Variants in DISP3 observed in about 807,000 individuals in gnomAD.
DISP3 encodes dispatched RND transporter family member 3.
Under a neutral mutation model 135.3 loss-of-function variants are expected in DISP3, and 101 were observed. The observed-to-expected ratio is 0.75, with a 90% CI of 0.64 to 0.88. DISP3 has a LOEUF of 0.88. Ranked by LOEUF, DISP3 falls within the 40% of genes least tolerant of loss-of-function variation. The probability of loss-of-function intolerance (pLI) is 0.00; values close to 1 mark genes in which losing one functional copy is unlikely to be tolerated. For synonymous variants in DISP3, 856 were observed against 817.0 expected, an observed-to-expected ratio of 1.05 and a Z score of -0.81; for missense variants, 1,713 against 1,878.6, an observed-to-expected ratio of 0.91 and a Z score of 1.63.
chr1:11,501,562 CG>C lies in DISP3; in HGVS notation c.571del (p.Ala191ArgfsTer36), dbSNP rs768372201. ...GCCCAGGCCCTTACCGGGACACTTC[CG>C]CGGCTCAAAAGCCCACAGCCAATCG... ...GGPGPYRDTS[A>X]AQKPTANRSG... On this transcript the variant is annotated frameshift_variant, in exon 2 of 21. Coordinates refer to ENST00000294484, the MANE Select transcript of DISP3 (RefSeq NM_020780.2). LOFTEE classifies it high-confidence loss of function. This position sits in a 1 kb window ranked among gnomAD's most constrained non-coding sequence, Gnocchi z 4.9. 6.3e-7 allele frequency: 1 copy of C among 1,587,902 alleles called. No homozygotes were observed. The highest frequency in any genetic ancestry group is 1.1e-5 in the South Asian group (1 of 88,216).
Position 11,536,344 on chromosome 1 carries a change from G to C in DISP3, c.3837G>C (p.Gln1279His), listed in dbSNP as rs1234504525. The C allele has an allele frequency of 1.1e-5, 17 of 1,603,252 alleles. No homozygotes were observed. The highest frequency in any genetic ancestry group is 1.4e-5 in the Non-Finnish European group (16 of 1,179,660). ...HQAEDARTQR[Q>H]WRTLEAVRHV... ...CCCAGGACGCCCGAACGCAGCGCCA[G>C]TGGCGTACGCTGGAGGCCGTGCGGC... The change falls in exon 21 of 21, where the codon CAG (glutamine) becomes CAC (histidine). Residue 1279 changes from glutamine (Q) to histidine (H), a missense_variant. Physicochemically the swap from Gln to His is conservative, Grantham distance 24. Coordinates refer to ENST00000294484, the MANE Select transcript of DISP3 (RefSeq NM_020780.2). The surrounding 1 kb of genome is among the most constrained non-coding windows in gnomAD (Gnocchi z 4.3).
chr1:11,490,752 T>C (rs1258962232), intron 1 of DISP3, among the ~76,000 whole-genome samples: 1 of 152,086 alleles, frequency 6.6e-6, no homozygotes, highest in Non-Finnish European at 1.5e-5. Flanking sequence ...GCACGGTGGC[T>C]AAAAGGATGG....
chr1:11,512,436 C>G (rs889269367), intron 3 of DISP3, among the ~76,000 whole-genome samples: 4 of 152,214 alleles, frequency 2.6e-5, no homozygotes, highest in Admixed American at 1.3e-4. Flanking sequence ...TTCCACAGAT[C>G]TCTAGGGCAG....
In DISP3 at chr1:11,520,866, G is replaced by T; in HGVS notation, c.2362+18G>T. 1 of 1,576,706 alleles carries T rather than the reference G, an allele frequency of 6.3e-7. No homozygotes were observed. The highest frequency in any genetic ancestry group is 8.6e-7 in the Non-Finnish European group (1 of 1,160,532). On this transcript the variant is annotated intron_variant, in intron 10 of 20. Coordinates refer to ENST00000294484, the MANE Select transcript of DISP3 (RefSeq NM_020780.2). This position sits in a 1 kb window ranked among gnomAD's most constrained non-coding sequence, Gnocchi z 4.8. ...CTGTTCAGGTGAGGCTTCTAGCCAG[G>T]CTGTCCCTGGCCCGCTCAGGTGTCC...
intron 3 of DISP3, among the ~76,000 whole-genome samples, chr1:11,503,506 G>A (rs775389553): frequency 5.9e-5 from 9 of 152,188 alleles, no homozygotes; most frequent in Non-Finnish European, 1.2e-4. Flanking sequence ...AAGTCCTGGA[G>A]TCCGAAGGCC....
intron 18 of DISP3, 91 bp downstream of exon 18, chr1:11,534,631 T>G (rs370212103): frequency 5.3e-5 from 78 of 1,469,108 alleles, no homozygotes; most frequent in East Asian, 3.1e-4. Flanking sequence ...AGTCACAATC[T>G]CCATCCTGGC....
chr1:11,528,335 C>T (rs377677456), intron 13 of DISP3, among the ~76,000 whole-genome samples: 1 of 152,144 alleles, frequency 6.6e-6, no homozygotes, highest in Non-Finnish European at 1.5e-5. Context: ...TCCAGGGGCA[C>T]CTTTTCTGGG....
At chr1:11,512,128 T>C (rs1436468278) in intron 3 of DISP3, among the ~76,000 whole-genome samples, 1 of 152,198 alleles carries the variant, frequency 6.6e-6, no homozygotes, top group Non-Finnish European at 1.5e-5. Context: ...TGGGAGGGGC[T>C]GCCATGAAAT....
chr1:11,496,594 AATC>A (rs547835778), intron 1 of DISP3, among the ~76,000 whole-genome samples: 132 of 152,296 alleles, frequency 8.7e-4, no homozygotes, highest in African/African-American at 3.0e-3. Context: ...TTGCTAAGCT[AATC>A]AATTCCCATC....
chr1:11,505,270 C>T (rs1474362913), intron 3 of DISP3, among the ~76,000 whole-genome samples: 1 of 152,194 alleles, frequency 6.6e-6, no homozygotes, highest in Non-Finnish European at 1.5e-5. Flanking sequence ...GTTGCTGGTT[C>T]AGTTTCTATG....
intron 1 of DISP3, among the ~76,000 whole-genome samples, chr1:11,483,000 T>C (rs1026021084): frequency 4.6e-5 from 7 of 152,246 alleles, no homozygotes; most frequent in Middle Eastern, 3.4e-3. Flanking sequence ...CTCACAAATA[T>C]GTATGTTTTC....
intron 10 of DISP3, among the ~76,000 whole-genome samples, chr1:11,522,922 A>G (rs140204417): frequency 1.3e-4 from 3 of 22,632 alleles, no homozygotes; most frequent in African/African-American, 5.6e-4. Context: ...AGGACCCAGC[A>G]AGGACCCAGC....
Position 11,524,037 on chromosome 1 carries a change from C to T in DISP3, c.2458C>T (p.Pro820Ser), listed in dbSNP as rs2100492478. Residue 820 changes from proline (P) to serine (S), a missense_variant, in exon 11 of 21, where the codon CCT becomes TCT. Pro to Ser is a moderately conservative substitution (Grantham distance 74, BLOSUM62 -1). Around this residue, in one of 2 missense-constraint regions of DISP3, gnomAD observed 1,142 missense variants for 1,384.6 expected, o/e 0.82. Transcript: ENST00000294484. ...RGSGVPWASR[P>S]EATLQDFPGT... is the part of the protein sequence containing the mutation. ...CTCAGGGGTCCCCTGGGCTAGCCGG[C>T]CTGAGGCCACCCTGCAGGGTGAGCA... 6.2e-7 allele frequency: 1 copy of T among 1,612,018 alleles called. No individual in the cohort carries two copies. Among genetic ancestry groups the T allele is most frequent in the Non-Finnish European group, 8.5e-7 (1 of 1,178,792 alleles).
Position 11,516,769 on chromosome 1 carries a change from C to T in DISP3, c.1749+608C>T, listed in dbSNP as rs1279993411. Among the ~76,000 whole-genome samples, 1 of 152,190 alleles carries T rather than the reference C, an allele frequency of 6.6e-6. No individual in the cohort carries two copies. The highest frequency in any genetic ancestry group is 2.4e-5 in the African/African-American group (1 of 41,436). On this transcript the variant is annotated intron_variant, in intron 6 of 20. Transcript: ENST00000294484. The surrounding 1 kb of genome is among the most constrained non-coding windows in gnomAD (Gnocchi z 5.1). ...TGGGCTGAGTAGCCCCTCTGGAAAC[C>T]AGTAGATGCTTTAGGATTATCCAGG...
rs1279430118 is a variant in DISP3, at chr1:11,501,401, C to T, written c.409C>T (p.Arg137Trp). 1.3e-6 allele frequency: 2 copies of T among 1,599,554 alleles called. No homozygotes were observed. Among genetic ancestry groups the T allele is most frequent in the Admixed American group, 1.7e-5 (1 of 58,562 alleles). Reference protein sequence around the residue: ...KSQFGSWGRNRRDLADFTSET... With the variant: ...KSQFGSWGRNWRDLADFTSET... Reference sequence around the variant, plus strand: ...CCAGTTTGGATCCTGGGGGCGGAACCGGCGCGATTTGGCCGACTTCACCTC... The same window carrying T: ...CCAGTTTGGATCCTGGGGGCGGAACTGGCGCGATTTGGCCGACTTCACCTC... The change falls in exon 2 of 21, where the codon CGG (arginine) becomes TGG (tryptophan). Residue 137 changes from arginine (R) to tryptophan (W), a missense_variant. Physicochemically the swap from Arg to Trp is moderately radical, Grantham distance 101. Coordinates refer to ENST00000294484, the MANE Select transcript of DISP3 (RefSeq NM_020780.2). The surrounding 1 kb of genome is among the most constrained non-coding windows in gnomAD (Gnocchi z 4.9).
In DISP3 at chr1:11,502,099, G is replaced by A. The variant is rs200401822; in HGVS notation, c.1096+11G>A. On this transcript the variant is annotated intron_variant, in intron 2 of 20. Coordinates refer to ENST00000294484, the MANE Select transcript of DISP3 (RefSeq NM_020780.2). Reference sequence around the variant, plus strand: ...TGGCGGACATCCGGGGTGAGCCGCCGGGATGCTGGGAGGGGGCGTAGGTCC... The same window carrying A: ...TGGCGGACATCCGGGGTGAGCCGCCAGGATGCTGGGAGGGGGCGTAGGTCC... The A allele has an allele frequency of 3.8e-3, 5,822 of 1,537,700 alleles. 18 individuals are homozygous for A. The highest frequency in any genetic ancestry group is 4.1e-3 in the Non-Finnish European group (4,738 of 1,143,494).
At chr1:11,492,640 G>A (rs972007924) in intron 1 of DISP3, among the ~76,000 whole-genome samples, 5 of 151,998 alleles carry the variant, frequency 3.3e-5, no homozygotes, top group Non-Finnish European at 5.9e-5. Flanking sequence ...CTGAATTTCC[G>A]GCTGGCAAAT....
At chr1:11,527,359 C>T (rs998175532) in intron 13 of DISP3, among the ~76,000 whole-genome samples, 1 of 152,080 alleles carries the variant, frequency 6.6e-6, no homozygotes, top group Non-Finnish European at 1.5e-5. Context: ...ACCATCCTGG[C>T]TAACACAGTG....
intron 7 of DISP3, among the ~76,000 whole-genome samples, chr1:11,518,675 A>G (rs1039228928): frequency 2.0e-5 from 3 of 152,170 alleles, no homozygotes; most frequent in African/African-American, 4.8e-5. Flanking sequence ...CTCGGCAGCC[A>G]TGAAACCCTG....
Sources: allele counts gnomAD v4.1 joint callset (sites outside exome capture counted in the v4.1 genomes callset), GRCh38; gene constraint gnomAD v4.1.1; regional missense constraint gnomAD v4.1.1; non-coding constraint Gnocchi (gnomAD v3.1); transcripts MANE v1.5; gene names NCBI Gene and HGNC (gene_info 2026-07-23, HGNC 2026-07-21).